The following SLC8A3 variants were observed in gnomAD, a reference collection of about 807,000 sequenced individuals.
SLC8A3 encodes the protein sodium/calcium exchanger 3.
In SLC8A3, 37 loss-of-function variants were observed where a neutral mutation model predicts 65.4. The observed-to-expected ratio is 0.57, with a 90% CI of 0.44 to 0.74. The LOEUF (loss-of-function observed/expected upper bound fraction) is 0.74, where lower values mean the gene tolerates loss of function less well. Ranked by LOEUF, SLC8A3 falls within the 30% of genes least tolerant of loss-of-function variation. SLC8A3 has a pLI of 0.00. For missense variants in SLC8A3, 1,112 were observed against 1,172.1 expected (o/e 0.95, Z 0.75); for synonymous variants, 461 against 444.5 (o/e 1.04, Z -0.47).
chr14:70,077,757 T>G (rs1890669867), intron 2 of SLC8A3, among the ~76,000 whole-genome samples: 1 of 152,188 alleles, frequency 6.6e-6, no homozygotes, highest in Non-Finnish European at 1.5e-5. Flanking sequence ...TTTCTCAAGT[T>G]CCTTTTGCAC....
At chr14:70,157,413 C>T (rs1487007708) in intron 2 of SLC8A3, among the ~76,000 whole-genome samples, 1 of 152,130 alleles carries the variant, frequency 6.6e-6, no homozygotes, top group Non-Finnish European at 1.5e-5. Context: ...GGGCACTTGA[C>T]ACAGGGCAAC....
rs1213849578 is a variant in SLC8A3, at chr14:70,044,818, G to C, written c.*1129C>G. ...AAATATAGTCAGCCCTCTTTGTATA[G>C]AGCATTAGGAAGCAAGAGCGTGGTG... On this transcript the variant is annotated 3_prime_UTR_variant, in exon 7 of 7. Transcript: ENST00000356921. The C allele has an allele frequency of 2.0e-5, 3 of 152,210 alleles. No individual in the cohort carries two copies. Among genetic ancestry groups the C allele is most frequent in the Admixed American group, 1.3e-4 (2 of 15,280 alleles). The allele number at this position is 152,210 out of a possible 1,614,324, so 9.4% of individuals were successfully genotyped here.
intron 1 of SLC8A3, among the ~76,000 whole-genome samples, chr14:70,169,133 A>C (rs1897337371): frequency 6.6e-6 from 1 of 152,168 alleles, no homozygotes; most frequent in African/African-American, 2.4e-5. Context: ...TTTAGATCTC[A>C]TCCATTAAAC....
chr14:70,116,433 T>C (rs1363064985), intron 2 of SLC8A3, among the ~76,000 whole-genome samples: 2 of 151,756 alleles, frequency 1.3e-5, no homozygotes, highest in Non-Finnish European at 2.9e-5. Flanking sequence ...TTTGAGAACT[T>C]TGGCTCTAAG....
At chr14:70,090,524 C>T (rs1238873154) in intron 2 of SLC8A3, among the ~76,000 whole-genome samples, 2 of 152,136 alleles carry the variant, frequency 1.3e-5, no homozygotes, top group Non-Finnish European at 2.9e-5. Context: ...TTAGTAAAGT[C>T]ACAATTATCT....
rs1310412996 is a variant in SLC8A3, at chr14:70,046,099, C to T, written c.2614G>A (p.Val872Met). ...FTIFAFVCIS[V>M]LLYRRRPHLG... The stretch of plus-strand genomic sequence containing the variant: ...TGCGGCCGCCTTCGGTACAAGAGCA[C>T]GCTGATGCAGACAAATGCAAAGATG... Residue 872 changes from valine (V) to methionine (M), a missense_variant, in exon 7 of 7, where the codon GTG (valine) becomes ATG (methionine). Transcript: ENST00000356921. This position sits in a 1 kb window ranked among gnomAD's most constrained non-coding sequence, Gnocchi z 4.2. The T allele has an allele frequency of 1.2e-6, 2 of 1,614,180 alleles. No homozygotes were observed. Among genetic ancestry groups the T allele is most frequent in the East Asian group, 2.2e-5 (1 of 44,882 alleles).
chr14:70,155,331 C>G (rs750487217), intron 2 of SLC8A3, among the ~76,000 whole-genome samples: 72 of 152,256 alleles, frequency 4.7e-4, no homozygotes, highest in Middle Eastern at 3.4e-3. Flanking sequence ...AACACTAGAA[C>G]TTACTCCTCT....
chr14:70,168,281 A>T lies in SLC8A3; in HGVS notation c.142T>A (p.Cys48Ser). 1.9e-6 allele frequency: 3 copies of T among 1,614,178 alleles called. No individual in the cohort carries two copies. The highest frequency in any genetic ancestry group is 2.2e-5 in the East Asian group (1 of 44,892). ...TCCTTGCAGTCCGATGACCCTGAAC[A>T]GGACTCATTGTTCTGCCCTGTGCTT... ...VPSTGQNNES[C>S]SGSSDCKEGV... The change falls in exon 2 of 7, where the codon TGT becomes AGT. Residue 48 changes from cysteine to serine, a missense_variant. Coordinates refer to ENST00000356921, the MANE Select transcript of SLC8A3 (RefSeq NM_182932.3).
chr14:70,134,305 G>T (rs146610652), intron 2 of SLC8A3, among the ~76,000 whole-genome samples: 1 of 152,270 alleles, frequency 6.6e-6, no homozygotes, highest in East Asian at 1.9e-4. Context: ...CCAACAAAAG[G>T]ATGCTTTTTT....
intron 2 of SLC8A3, among the ~76,000 whole-genome samples, chr14:70,159,236 C>A (rs141546024): frequency 0.049 from 7,429 of 152,102 alleles, 219 homozygotes; most frequent in Middle Eastern, 0.075. Context: ...TGGCAAAACC[C>A]CGTCTCTACT....
At chr14:70,158,450 C>A (rs901743257) in intron 2 of SLC8A3, among the ~76,000 whole-genome samples, 3 of 152,188 alleles carry the variant, frequency 2.0e-5, no homozygotes, top group Non-Finnish European at 4.4e-5. Context: ...CAGTAGTAGT[C>A]ATCCATAATC....
chr14:70,057,327 TAG>T (rs1888259711), intron 3 of SLC8A3, among the ~76,000 whole-genome samples: 1 of 151,936 alleles, frequency 6.6e-6, no homozygotes, highest in African/African-American at 2.4e-5. Flanking sequence ...GATAGATAGA[TAG>T]ATAGATAGGC....
At chr14:70,065,427 C>A (rs1048359832) in intron 2 of SLC8A3, among the ~76,000 whole-genome samples, 4 of 152,170 alleles carry the variant, frequency 2.6e-5, no homozygotes, top group African/African-American at 9.7e-5. Flanking sequence ...GCGTGGCTGG[C>A]TACCGTAGAA....
intron 2 of SLC8A3, among the ~76,000 whole-genome samples, chr14:70,145,353 C>T (rs1895862844): frequency 6.6e-6 from 1 of 152,206 alleles, no homozygotes; most frequent in Non-Finnish European, 1.5e-5. Context: ...TCATATACCT[C>T]CATTATTAAA....
chr14:70,152,771 G>A lies in SLC8A3; in HGVS notation c.1784+13868C>T, dbSNP rs1026649345. ...TCGGAAAAGTGCTGTGCAGAACTGC[G>A]TCCAATCTGGGCTAAGCAGATTAGT... On this transcript the variant is annotated intron_variant, in intron 2 of 6. Coordinates refer to ENST00000356921, the MANE Select transcript of SLC8A3 (RefSeq NM_182932.3). Among the ~76,000 whole-genome samples, 7 of 152,196 alleles carry A rather than the reference G, an allele frequency of 4.6e-5. No individual in the cohort carries two copies. The South Asian group carries it at 6.2e-4, about 14-fold the overall frequency.
intron 3 of SLC8A3, among the ~76,000 whole-genome samples, chr14:70,059,755 T>C (rs1010708860): frequency 1.3e-5 from 2 of 152,142 alleles, no homozygotes; most frequent in Non-Finnish European, 1.5e-5. Context: ...AAGGCAGACA[T>C]CTGTGACCTT....
rs1883587259 is a variant in SLC8A3 at position 70,188,893 on chromosome 14, A to G, written c.-577T>C. 1 of 151,974 alleles carries G rather than the reference A, an allele frequency of 6.6e-6. No individual in the cohort carries two copies. The highest frequency in any genetic ancestry group is 6.5e-5 in the Admixed American group (1 of 15,282). 9.4% of individuals were successfully genotyped at this position (151,974 alleles called of 1,614,324 possible). On this transcript the variant is annotated 5_prime_UTR_variant, in exon 1 of 7. Coordinates refer to ENST00000356921, the MANE Select transcript of SLC8A3 (RefSeq NM_182932.3). The stretch of plus-strand genomic sequence containing the variant: ...GGAGCGCGCCGGGTCTCCGCCTTGC[A>G]CGCTGTCACCGCGGGAGACGTCTCG...
intron 1 of SLC8A3, among the ~76,000 whole-genome samples, chr14:70,179,253 G>C (rs764292208): frequency 1.4e-4 from 21 of 151,750 alleles, no homozygotes; most frequent in Non-Finnish European, 2.4e-4. Context: ...GTACTCTCTT[G>C]TAACATCACT....
At chr14:70,124,624 T>C (rs1894317639) in intron 2 of SLC8A3, among the ~76,000 whole-genome samples, 1 of 152,262 alleles carries the variant, frequency 6.6e-6, no homozygotes, top group African/African-American at 2.4e-5. Context: ...TGCAATGAAG[T>C]TCAAAATCAA....
Sources: gnomAD v4.1 joint callset for allele counts (sites outside exome capture counted in the v4.1 genomes callset) on GRCh38, gnomAD v4.1.1 for gene constraint, Gnocchi (gnomAD v3.1) non-coding constraint, MANE v1.5 for transcripts, NCBI Gene and HGNC (gene_info 2026-07-23, HGNC 2026-07-21) for gene names.